EIF4G3: variants seen among roughly 807,000 people sequenced by gnomAD.
The protein encoded by EIF4G3 is eukaryotic translation initiation factor 4 gamma 3.
A neutral mutation model predicts 186.4 loss-of-function variants in EIF4G3; 34 were observed. The observed-to-expected ratio is 0.18, with a 90% CI of 0.14 to 0.24. EIF4G3 has a LOEUF of 0.24. EIF4G3 is among the 10% of genes least tolerant of loss of function. The pLI is 1.00. For synonymous variants in EIF4G3, 673 were observed against 679.5 expected (o/e 0.99, Z 0.15); for missense variants, 1,536 against 1,948.5 (o/e 0.79, Z 3.99).
At chr1:20,941,437 C>A (rs765323952) in intron 14 of EIF4G3, 54 bp downstream of exon 14, 51 of 1,609,472 alleles carry the variant, frequency 3.2e-5, no homozygotes, top group Non-Finnish European at 3.7e-5. Flanking sequence ...ATAACTCAAA[C>A]ACTGCCTCTT....
At chr1:20,960,493 G>A (rs2096547217) in intron 12 of EIF4G3, among the ~76,000 whole-genome samples, 2 of 151,972 alleles carry the variant, frequency 1.3e-5, no homozygotes, top group Admixed American at 6.6e-5. Flanking sequence ...TGGTGCAGTG[G>A]CTCATAGCAG....
Position 20,808,517 on chromosome 1 carries a change from T to C in EIF4G3, c.4745-1017A>G, listed in dbSNP as rs369380501. On this transcript the variant is annotated intron_variant, in intron 36 of 36. Coordinates refer to ENST00000602326, the MANE Select transcript of EIF4G3 (RefSeq NM_001391906.1). ...TAACACAGTGAAACCCCGTCTCTACTAAACATACAAAAAATTAGCCGGGCA... is the reference window on the plus strand; with the variant it reads ...TAACACAGTGAAACCCCGTCTCTACCAAACATACAAAAAATTAGCCGGGCA... 6.6e-5 allele frequency among the ~76,000 whole-genome samples: 10 copies of C among 152,000 alleles called. No homozygotes were observed. The East Asian group carries it at 1.2e-3, about 18-fold the overall frequency.
chr1:21,065,518 C>T (rs919717288), intron 3 of EIF4G3, among the ~76,000 whole-genome samples: 2 of 151,634 alleles, frequency 1.3e-5, no homozygotes, highest in Admixed American at 6.6e-5. Context: ...CTACTGCACT[C>T]CAGCCTGGGA....
intron 4 of EIF4G3, among the ~76,000 whole-genome samples, chr1:21,014,188 T>C (rs1425837275): frequency 1.3e-5 from 2 of 152,118 alleles, no homozygotes; most frequent in East Asian, 3.9e-4. Context: ...CAAGTTGTTG[T>C]TGTTCTGAAA....
At chr1:20,819,659 G>C (rs1202134464) in intron 33 of EIF4G3, among the ~76,000 whole-genome samples, 1 of 152,014 alleles carries the variant, frequency 6.6e-6, no homozygotes, top group African/African-American at 2.4e-5. Context: ...ACATAGAGGG[G>C]AACAACACAC....
chr1:21,004,180 A>ACATACC (rs2154569174), intron 4 of EIF4G3, among the ~76,000 whole-genome samples: 2 of 152,340 alleles, frequency 1.3e-5, no homozygotes, highest in East Asian at 3.9e-4. Flanking sequence ...GCCAAAGCTT[A>ACATACC]CATACCTTAA....
intron 12 of EIF4G3, among the ~76,000 whole-genome samples, chr1:20,961,890 G>A (rs191860874): frequency 1.3e-5 from 2 of 152,142 alleles, no homozygotes; most frequent in East Asian, 3.9e-4. Context: ...TATTTTTATC[G>A]TAGTCACCAC....
intron 2 of EIF4G3, among the ~76,000 whole-genome samples, chr1:21,125,243 G>T (rs551028283): frequency 6.6e-6 from 1 of 152,064 alleles, no homozygotes; most frequent in African/African-American, 2.4e-5. Context: ...AAAGATGAGA[G>T]AATTCTAAAT....
At chr1:20,999,124 T>C (rs2082933852) in intron 6 of EIF4G3, among the ~76,000 whole-genome samples, 1 of 152,192 alleles carries the variant, frequency 6.6e-6, no homozygotes, top group Non-Finnish European at 1.5e-5. Flanking sequence ...CTGTCAAGAA[T>C]TCACCTCAGA....
intron 19 of EIF4G3, among the ~76,000 whole-genome samples, chr1:20,882,176 TACACACACACACACACAC>T (rs138208807): frequency 4.6e-5 from 4 of 86,956 alleles, no homozygotes; most frequent in African/African-American, 6.8e-5. Flanking sequence ...AAAGAAAAAT[TACACACACACACACACAC>T]ACACACACAC....
intron 13 of EIF4G3, 108 bp from the exon 14 acceptor site, chr1:20,942,438 G>A: frequency 9.0e-7 from 1 of 1,115,280 alleles, no homozygotes; most frequent in African/African-American, 1.6e-5. Flanking sequence ...TAACAGAACA[G>A]AGACCAATAT....
intron 4 of EIF4G3, among the ~76,000 whole-genome samples, chr1:21,026,382 C>A (rs982169233): frequency 2.6e-5 from 4 of 151,842 alleles, no homozygotes; most frequent in Admixed American, 2.0e-4. Context: ...ACACCAAATA[C>A]AAAAATTAAG....
chr1:20,933,198 C>A (rs1479911206), intron 14 of EIF4G3, among the ~76,000 whole-genome samples: 2 of 152,128 alleles, frequency 1.3e-5, no homozygotes, highest in African/African-American at 4.8e-5. Context: ...AAAGCTAGAT[C>A]TGTATTTTTA....
intron 4 of EIF4G3, among the ~76,000 whole-genome samples, chr1:21,017,253 G>A (rs978462835): frequency 2.0e-5 from 3 of 152,124 alleles, no homozygotes; most frequent in African/African-American, 4.8e-5. Flanking sequence ...ATGAGGTACC[G>A]ACACCATGGC....
intron 4 of EIF4G3, among the ~76,000 whole-genome samples, chr1:21,036,829 C>T (rs1047824138): frequency 1.3e-5 from 2 of 152,080 alleles, no homozygotes; most frequent in African/African-American, 4.8e-5. Flanking sequence ...TGCAATGAGC[C>T]AAGATCGTGC....
chr1:21,066,631 A>C (rs1412216934), intron 3 of EIF4G3, among the ~76,000 whole-genome samples: 2 of 152,208 alleles, frequency 1.3e-5, no homozygotes, highest in African/African-American at 4.8e-5. Context: ...TGCTTTTAAA[A>C]GATAAAAAGG....
At chr1:21,108,445 T>C (rs1457575807) in intron 2 of EIF4G3, among the ~76,000 whole-genome samples, 3 of 152,184 alleles carry the variant, frequency 2.0e-5, no homozygotes, top group African/African-American at 7.2e-5. Flanking sequence ...GAGGGGAATG[T>C]TGATAAAACG....
At chr1:21,151,236 CTTTTTTTTT>C (rs71014161) in intron 2 of EIF4G3, among the ~76,000 whole-genome samples, 3 of 80,440 alleles carry the variant, frequency 3.7e-5, no homozygotes, top group African/African-American at 4.8e-5. Context: ...GTATTTCTTT[CTTTTTTTTT>C]TTTTTTTTTT....
At chr1:21,139,048 C>T (rs1211606005) in intron 2 of EIF4G3, among the ~76,000 whole-genome samples, 1 of 152,062 alleles carries the variant, frequency 6.6e-6, no homozygotes, top group East Asian at 1.9e-4. Flanking sequence ...CCATGCCCAA[C>T]TTAGTTTCTA....
Sources: allele counts gnomAD v4.1 joint callset (sites outside exome capture counted in the v4.1 genomes callset), GRCh38; gene constraint gnomAD v4.1.1; transcripts MANE v1.5; gene names NCBI Gene and HGNC (gene_info 2026-07-23, HGNC 2026-07-21).